Variants in ZBTB7A observed in about 807,000 individuals in gnomAD.
ZBTB7A encodes the protein zinc finger and BTB domain containing 7A.
Under a neutral mutation model 26.7 loss-of-function variants are expected in ZBTB7A, and 7 were observed. That is an observed-to-expected ratio of 0.26 (90% CI 0.15 to 0.49). The LOEUF is 0.49. ZBTB7A is among the 20% of genes least tolerant of loss of function. The pLI, the probability that ZBTB7A is intolerant of heterozygous loss-of-function variation, is 0.98. For missense variants in ZBTB7A, 617 were observed against 919.5 expected (o/e 0.67, Z 4.25); for synonymous variants, 452 against 441.0 (o/e 1.02, Z -0.31).
At position 4,046,000 on chromosome 19, in the gene ZBTB7A, G is replaced by A; in HGVS notation, c.*1752C>T. On this transcript the variant is annotated 3_prime_UTR_variant, in exon 3 of 3. Transcript: ENST00000322357. The surrounding 1 kb of genome is among the most constrained non-coding windows in gnomAD (Gnocchi z 4.1). ...GCATCCAAGGTCCAGCTCCTTGGTGGCCATGCGGGAGGGACAGGCGTGTTG... is the reference window on the plus strand; with the variant it reads ...GCATCCAAGGTCCAGCTCCTTGGTGACCATGCGGGAGGGACAGGCGTGTTG... 5.0e-6 allele frequency: 2 copies of A among 398,972 alleles called. No individual in the cohort carries two copies. The highest frequency in any genetic ancestry group is 8.8e-6 in the Non-Finnish European group (2 of 226,066). The allele number at this position is 398,972 out of a possible 1,614,324, so 24.7% of individuals were successfully genotyped here.
intron 2 of ZBTB7A, among the ~76,000 whole-genome samples, chr19:4,049,160 G>GTATA (rs1479974251): frequency 2.5e-4 from 4 of 15,870 alleles, no homozygotes; most frequent in African/African-American, 6.0e-4. Context: ...GTGTGTGTGT[G>GTATA]TGTGTGTGTA....
At position 4,052,340 on chromosome 19, in the gene ZBTB7A, G is replaced by A. The variant is rs960967199; in HGVS notation, c.1262+1631C>T. Among the ~76,000 whole-genome samples the A allele has an allele frequency of 6.6e-6, 1 of 152,124 alleles. No individual in the cohort carries two copies. Among genetic ancestry groups the A allele is most frequent in the South Asian group, 2.1e-4 (1 of 4,824 alleles). On this transcript the variant is annotated intron_variant, in intron 2 of 2. Transcript: ENST00000322357. The surrounding 1 kb of genome is among the most constrained non-coding windows in gnomAD (Gnocchi z 4.9). ...AACCCACAGTGACCCCTGCCTGGAG[G>A]AAGAGGAGCCCCCCAAGACCTCCAG...
chr19:4,065,525 G>T (rs2040686833), intron 1 of ZBTB7A: 1 of 146,086 alleles, frequency 6.8e-6, no homozygotes, highest in Non-Finnish European at 1.5e-5. Context: ...CCGGGAGGCG[G>T]CAGTGAGCCT....
At chr19:4,057,843 G>A (rs1395356899) in intron 1 of ZBTB7A, among the ~76,000 whole-genome samples, 2 of 148,462 alleles carry the variant, frequency 1.3e-5, no homozygotes, top group East Asian at 2.0e-4. Context: ...AGTTCCACCC[G>A]AACCCCACCG....
rs2040433804 is a variant in ZBTB7A at position 4,047,378 on chromosome 19, G to A, written c.*374C>T. 6.5e-6 allele frequency: 1 copy of A among 153,058 alleles called. No individual in the cohort carries two copies. The highest frequency in any genetic ancestry group is 6.5e-5 in the Admixed American group (1 of 15,294). The allele number at this position is 153,058 out of a possible 1,614,324, so 9.5% of individuals were successfully genotyped here. Reference sequence around the variant, plus strand: ...CACGTCTACCCTCCCCCCAGCCCAGGGCCTCGGATCGGGCCCCAGGCCCCA... The same window carrying A: ...CACGTCTACCCTCCCCCCAGCCCAGAGCCTCGGATCGGGCCCCAGGCCCCA... On this transcript the variant is annotated 3_prime_UTR_variant, in exon 3 of 3. Coordinates refer to ENST00000322357, the MANE Select transcript of ZBTB7A (RefSeq NM_015898.4).
rs1163465003 is a variant in ZBTB7A, at chr19:4,052,209, G to A, written c.1262+1762C>T. Among the ~76,000 whole-genome samples, 2 of 152,014 alleles carry A rather than the reference G, an allele frequency of 1.3e-5. No homozygotes were observed. Among genetic ancestry groups the A allele is most frequent in the African/African-American group, 4.8e-5 (2 of 41,372 alleles). Reference sequence around the variant, plus strand: ...GAATGAAACCGGGCCTGTGGCCTGCGGCCAGGGAGGCAGGGTGGGGGTCAC... The same window carrying A: ...GAATGAAACCGGGCCTGTGGCCTGCAGCCAGGGAGGCAGGGTGGGGGTCAC... On this transcript the variant is annotated intron_variant, in intron 2 of 2. Coordinates refer to ENST00000322357, the MANE Select transcript of ZBTB7A (RefSeq NM_015898.4). The surrounding 1 kb of genome is among the most constrained non-coding windows in gnomAD (Gnocchi z 4.9).
rs867650265 is a variant in ZBTB7A, at chr19:4,049,220, G to C, written c.1263-976C>G. On this transcript the variant is annotated intron_variant, in intron 2 of 2. Coordinates refer to ENST00000322357, the MANE Select transcript of ZBTB7A (RefSeq NM_015898.4). ...TATATATATATATATGTAAGTTTGAGAGATGGGGGTTGAGCTACGTTACCC... is the reference window on the plus strand; with the variant it reads ...TATATATATATATATGTAAGTTTGACAGATGGGGGTTGAGCTACGTTACCC... Among the ~76,000 whole-genome samples the C allele has an allele frequency of 3.2e-4, 23 of 72,304 alleles. 2 individuals carry two copies. The highest frequency in any genetic ancestry group is 7.7e-3 in the Middle Eastern group (1 of 130). 47.4% of individuals were successfully genotyped at this position (72,304 alleles called of 152,430 possible). A position where few individuals can be genotyped will look rare whatever the true frequency, so the allele number is the denominator to read the frequency against.
At chr19:4,051,452 C>T (rs2040503414) in intron 2 of ZBTB7A, among the ~76,000 whole-genome samples, 1 of 152,208 alleles carries the variant, frequency 6.6e-6, no homozygotes, top group Non-Finnish European at 1.5e-5. Context: ...TAAGTCCCTC[C>T]CTCTGGCACC....
chr19:4,047,343 C>G lies in ZBTB7A; in HGVS notation c.*409G>C. ...ATTAAAAGCCCACCCCAGTCCCCCCCCAGCGCCCCCACGTCTACCCTCCCC... is the reference window on the plus strand; with the variant it reads ...ATTAAAAGCCCACCCCAGTCCCCCCGCAGCGCCCCCACGTCTACCCTCCCC... On this transcript the variant is annotated 3_prime_UTR_variant, in exon 3 of 3. Transcript: ENST00000322357. 1 of 152,556 alleles carries G rather than the reference C, an allele frequency of 6.6e-6. No homozygotes were observed. 9.5% of individuals were successfully genotyped at this position (152,556 alleles called of 1,614,324 possible).
Position 4,047,987 on chromosome 19 carries a change from G to A in ZBTB7A, c.1520C>T (p.Ala507Val), listed in dbSNP as rs761713941. The change falls in exon 3 of 3, where the codon GCG (alanine) becomes GTG (valine). Residue 507 changes from alanine to valine, a missense_variant. Ala to Val is a moderately conservative substitution (Grantham distance 64, BLOSUM62 0). This residue lies in a region of ZBTB7A where 136 missense variants were observed against 126.6 expected (regional missense o/e 1.07). Transcript: ENST00000322357. ...RGRKPRVRGG[A>V]PDPSPGATAT... Reference sequence around the variant, plus strand: ...GGTGGCCCCCGGGCTGGGGTCGGGCGCCCCGCCCCGGACGCGGGGCTTGCG... The same window carrying A: ...GGTGGCCCCCGGGCTGGGGTCGGGCACCCCGCCCCGGACGCGGGGCTTGCG... 3.9e-6 allele frequency: 5 copies of A among 1,267,070 alleles called. No individual in the cohort carries two copies. Among genetic ancestry groups the A allele is most frequent in the South Asian group, 2.3e-5 (1 of 43,998 alleles). 78.5% of individuals were successfully genotyped at this position (1,267,070 alleles called of 1,614,324 possible). A position where few individuals can be genotyped will look rare whatever the true frequency, so the allele number is the denominator to read the frequency against.
rs2040371071 is a variant in ZBTB7A at position 4,043,517 on chromosome 19, T to G, written c.*4235A>C. 6.6e-6 allele frequency among the ~76,000 whole-genome samples: 1 copy of G among 151,496 alleles called. No individual in the cohort carries two copies. On this transcript the variant is annotated 3_prime_UTR_variant, in exon 3 of 3. Transcript: ENST00000322357. ...CTCTCAATACAGTCTCTGGAATGTC[T>G]ATCTGTCTGTGCTCTGTACCCTGAG... is the stretch of plus-strand genomic sequence containing the variant.
Position 4,054,439 on chromosome 19 carries a change from G to A in ZBTB7A, c.794C>T (p.Ala265Val), listed in dbSNP as rs1235232708. Residue 265 changes from alanine (A) to valine (V), a missense_variant, in exon 2 of 3, where the codon GCC (alanine) becomes GTC (valine). By Grantham distance (64) the Ala-to-Val change is moderately conservative. Transcript: ENST00000322357. ...GCCGTAGTGGCCGTTCTGCGTGGCG[G>A]CCGGCGGGGCCACCGGCGGCGGAAA... ...GLFPPPVAPPAATQNGHYGRG... is the reference protein window; with the variant it reads ...GLFPPPVAPPVATQNGHYGRG... 2 of 1,358,120 alleles carry A rather than the reference G, an allele frequency of 1.5e-6. No homozygotes were observed. Among genetic ancestry groups the A allele is most frequent in the East Asian group, 3.2e-5 (1 of 31,690 alleles). The allele number at this position is 1,358,120 out of a possible 1,614,324, so 84.1% of individuals were successfully genotyped here. A position where few individuals can be genotyped will look rare whatever the true frequency, so the allele number is the denominator to read the frequency against.
chr19:4,057,892 G>A (rs974721818), intron 1 of ZBTB7A, among the ~76,000 whole-genome samples: 1 of 151,880 alleles, frequency 6.6e-6, no homozygotes, highest in Admixed American at 6.6e-5. Flanking sequence ...CCACTTGCCC[G>A]AGGCCCCACC....
chr19:4,050,893 G>C (rs960762833), intron 2 of ZBTB7A, among the ~76,000 whole-genome samples: 1 of 151,962 alleles, frequency 6.6e-6, no homozygotes, highest in Non-Finnish European at 1.5e-5. Flanking sequence ...GAGGTCAGGA[G>C]TTCGAGACCA....
intron 1 of ZBTB7A, among the ~76,000 whole-genome samples, chr19:4,058,624 C>T (rs1391356850): frequency 6.6e-6 from 1 of 151,918 alleles, no homozygotes; most frequent in Non-Finnish European, 1.5e-5. Context: ...CTGGGCAAGG[C>T]CCCTGGGGAG....
chr19:4,049,168 GTATATATATATATATA>G lies in ZBTB7A; in HGVS notation c.1263-940_1263-925del, dbSNP rs1181215162. On this transcript the variant is annotated intron_variant, in intron 2 of 2. Transcript: ENST00000322357. ...ACTATATGTGTGTGTGTGTGTGTGT[GTATATATATATATATA>G]TATATATATATATATATATATATAT... is the stretch of plus-strand genomic sequence containing the variant. Among the ~76,000 whole-genome samples, 5 of 14,954 alleles carry G rather than the reference GTATATATATATATATA, an allele frequency of 3.3e-4. 1 individual carries two copies. In the South Asian group the frequency reaches 9.3e-3, roughly 28 times the overall value. The allele number at this position is 14,954 out of a possible 152,430, so 9.8% of individuals were successfully genotyped here.
At chr19:4,053,417 GCA>G (rs2040524946) in intron 2 of ZBTB7A, among the ~76,000 whole-genome samples, 1 of 152,198 alleles carries the variant, frequency 6.6e-6, no homozygotes, top group Non-Finnish European at 1.5e-5. Context: ...GCATGCATGT[GCA>G]TGTATGTGTG....
intron 2 of ZBTB7A, among the ~76,000 whole-genome samples, chr19:4,051,650 T>C (rs1398894108): frequency 6.6e-6 from 1 of 152,238 alleles, no homozygotes; most frequent in African/African-American, 2.4e-5. Context: ...CCTCCAGGCC[T>C]CTGGTTTACT....
intron 1 of ZBTB7A, among the ~76,000 whole-genome samples, chr19:4,065,253 G>A (rs1421104695): frequency 6.6e-6 from 1 of 150,690 alleles, no homozygotes; most frequent in African/African-American, 2.4e-5. Context: ...CCCTCCCGCG[G>A]GTCGGAGCCG....
Sources: gnomAD v4.1 joint callset for allele counts (sites outside exome capture counted in the v4.1 genomes callset) on GRCh38, gnomAD v4.1.1 for gene constraint, gnomAD v4.1.1 regional missense constraint, Gnocchi (gnomAD v3.1) non-coding constraint, MANE v1.5 for transcripts, NCBI Gene and HGNC (gene_info 2026-07-23, HGNC 2026-07-21) for gene names.